Variants in IKZF2 observed in about 807,000 individuals in gnomAD.
IKZF2 encodes the protein zinc finger protein Helios.
A neutral mutation model predicts 49.2 loss-of-function variants in IKZF2; 15 were observed. That is an observed-to-expected ratio of 0.30 (90% CI 0.20 to 0.47). IKZF2 has a LOEUF of 0.47. IKZF2 is among the 20% of genes least tolerant of loss of function. The probability of loss-of-function intolerance (pLI) is 1.00; values close to 1 mark genes in which losing one functional copy is unlikely to be tolerated. For synonymous variants in IKZF2, 227 were observed against 221.4 expected (o/e 1.03, Z -0.23); for missense variants, 567 against 664.6 (o/e 0.85, Z 1.61).
At chr2:213,015,472 A>G (rs1696472600) in intron 7 of IKZF2, among the ~76,000 whole-genome samples, 1 of 152,090 alleles carries the variant, frequency 6.6e-6, no homozygotes, top group Non-Finnish European at 1.5e-5. Flanking sequence ...ATTCTCTTTT[A>G]GTAACAACTA....
At chr2:213,079,418 TGGAA>T (rs796259437) in intron 4 of IKZF2, among the ~76,000 whole-genome samples, 15 of 38,996 alleles carry the variant, frequency 3.8e-4, no homozygotes, top group Middle Eastern at 0.017. Flanking sequence ...GAAGGAAGCA[TGGAA>T]GGAAGGAAGG....
At position 213,150,259 on chromosome 2, in the gene IKZF2, C is replaced by CG. The variant is rs2061235154; in HGVS notation, c.-119-13dup. ...GTGACAATGTCGGGCTGAAGATAAA[C>CG]GGAGGGAGAAAGAAAGAAGTTTTTT... On this transcript the variant is annotated splice_polypyrimidine_tract_variant and intron_variant, in intron 1 of 8. Coordinates refer to ENST00000434687, the MANE Select transcript of IKZF2 (RefSeq NM_001387220.1). The CG allele has an allele frequency of 5.6e-6, 6 of 1,064,298 alleles. No individual in the cohort carries two copies. The East Asian group carries it at 3.0e-4, about 53-fold the overall frequency. The allele number at this position is 1,064,298 out of a possible 1,614,324, so 65.9% of individuals were successfully genotyped here.
chr2:213,058,662 G>A lies in IKZF2; in HGVS notation c.140-1563C>T, dbSNP rs183918135. ...CTTACTAGTTTTTAAAAAGAGTTGG[G>A]ACAGTATTTTATCCATCTTTATATT... On this transcript the variant is annotated intron_variant, in intron 4 of 8. Coordinates refer to ENST00000434687, the MANE Select transcript of IKZF2 (RefSeq NM_001387220.1). Among the ~76,000 whole-genome samples the A allele has an allele frequency of 4.6e-5, 7 of 151,864 alleles. No individual in the cohort carries two copies. In the East Asian group the frequency reaches 1.4e-3, roughly 29 times the overall value.
Position 213,022,019 on chromosome 2 carries a change from G to A in IKZF2, c.686C>T (p.Ala229Val), listed in dbSNP as rs1198044822. 3 of 1,613,580 alleles carry A rather than the reference G, an allele frequency of 1.9e-6. No homozygotes were observed. The highest frequency in any genetic ancestry group is 2.5e-6 in the Non-Finnish European group (3 of 1,179,766). The change falls in exon 7 of 9, where the codon GCT (alanine) becomes GTT (valine). Residue 229 changes from alanine (A) to valine (V), a missense_variant. Transcript: ENST00000434687. Reference protein sequence around the residue: ...HNYLQNVSMEAAGQVMSHHVP... With the variant: ...HNYLQNVSMEVAGQVMSHHVP... ...ATGGTGACTCATGACCTGCCCAGCAGCCTCCATGCTGACATTCTGGAGATA... is the reference window on the plus strand; with the variant it reads ...ATGGTGACTCATGACCTGCCCAGCAACCTCCATGCTGACATTCTGGAGATA...
In IKZF2 at chr2:213,046,488, T is replaced by C. The variant is rs551133032; in HGVS notation, c.574+3225A>G. Among the ~76,000 whole-genome samples the C allele has an allele frequency of 2.0e-5, 3 of 152,302 alleles. 1 individual carries two copies. The South Asian group carries it at 6.2e-4, about 32-fold the overall frequency. ...TCTGGAATTCAATACCAGCTATGAC[T>C]ATGGTGTTTACAGGTCCACTTAAGG... On this transcript the variant is annotated intron_variant, in intron 6 of 8. Coordinates refer to ENST00000434687, the MANE Select transcript of IKZF2 (RefSeq NM_001387220.1).
intron 4 of IKZF2, among the ~76,000 whole-genome samples, chr2:213,099,089 T>C (rs1262771532): frequency 6.6e-6 from 1 of 152,134 alleles, no homozygotes. Flanking sequence ...TATTAGCTAG[T>C]TGATTTACAG....
At chr2:213,127,806 C>A (rs1461173507) in intron 4 of IKZF2, among the ~76,000 whole-genome samples, 3 of 152,128 alleles carry the variant, frequency 2.0e-5, no homozygotes, top group Non-Finnish European at 4.4e-5. Flanking sequence ...ATTATAACTG[C>A]AATTTTTCCA....
intron 4 of IKZF2, among the ~76,000 whole-genome samples, chr2:213,121,941 TG>T (rs977149263): frequency 2.0e-5 from 3 of 152,008 alleles, no homozygotes; most frequent in Non-Finnish European, 4.4e-5. Context: ...GGAATACAAC[TG>T]AGAGAGAAGT....
At chr2:213,086,578 C>A (rs1452613281) in intron 4 of IKZF2, among the ~76,000 whole-genome samples, 1 of 152,084 alleles carries the variant, frequency 6.6e-6, no homozygotes, top group Admixed American at 6.6e-5. Flanking sequence ...GGAAGCTCAC[C>A]TTTACTGCAT....
At chr2:213,043,264 T>A (rs1278126740) in intron 6 of IKZF2, among the ~76,000 whole-genome samples, 6 of 152,172 alleles carry the variant, frequency 3.9e-5, no homozygotes, top group Admixed American at 3.3e-4. Flanking sequence ...GTATTTTTCA[T>A]TTCTTAAACT....
intron 5 of IKZF2, among the ~76,000 whole-genome samples, chr2:213,053,682 C>T (rs1485968586): frequency 6.6e-6 from 1 of 152,100 alleles, no homozygotes; most frequent in Non-Finnish European, 1.5e-5. Flanking sequence ...GTATAATGTC[C>T]AATCGATATG....
chr2:213,044,516 C>T (rs1439153204), intron 6 of IKZF2, among the ~76,000 whole-genome samples: 1 of 152,170 alleles, frequency 6.6e-6, no homozygotes, highest in Admixed American at 6.5e-5. Flanking sequence ...AAGGCATGTG[C>T]TGGCAAGATG....
chr2:213,076,108 T>G (rs534100770), intron 4 of IKZF2, among the ~76,000 whole-genome samples: 4 of 137,228 alleles, frequency 2.9e-5, no homozygotes, highest in East Asian at 3.9e-4. Context: ...ACACATCATG[T>G]AAACTAAACA....
At chr2:213,100,252 A>T (rs1383101723) in intron 4 of IKZF2, among the ~76,000 whole-genome samples, 1 of 152,104 alleles carries the variant, frequency 6.6e-6, no homozygotes, top group Non-Finnish European at 1.5e-5. Flanking sequence ...CTTTGGTGAC[A>T]GTTTTAAGCA....
At chr2:213,070,571 T>C (rs993459075) in intron 4 of IKZF2, among the ~76,000 whole-genome samples, 1 of 152,076 alleles carries the variant, frequency 6.6e-6, no homozygotes, top group Non-Finnish European at 1.5e-5. Flanking sequence ...ATTTATCAAA[T>C]ACCAATTTAT....
At chr2:213,112,471 T>C (rs528038233) in intron 4 of IKZF2, among the ~76,000 whole-genome samples, 1 of 151,394 alleles carries the variant, frequency 6.6e-6, no homozygotes, top group East Asian at 1.9e-4. Context: ...CTTCTTTCTT[T>C]TTTTTTTAAG....
At chr2:213,030,472 T>C (rs889995249) in intron 6 of IKZF2, among the ~76,000 whole-genome samples, 2 of 152,132 alleles carry the variant, frequency 1.3e-5, no homozygotes, top group Non-Finnish European at 2.9e-5. Flanking sequence ...CTTTTATCTC[T>C]CTAAGGACAG....
chr2:213,014,173 C>A, intron 7 of IKZF2: 1 of 285,526 alleles, frequency 3.5e-6, no homozygotes, highest in East Asian at 5.7e-5. Flanking sequence ...ACACTGTTGC[C>A]ACTATTGGTG....
In IKZF2 at chr2:213,080,392, A is replaced by C. The variant is rs140480258; in HGVS notation, c.140-23293T>G. The stretch of plus-strand genomic sequence containing the variant: ...AGGTTCATTAAATATCTACTTCTCT[A>C]TATATCCAAATTTTCAACATTAAAG... On this transcript the variant is annotated intron_variant, in intron 4 of 8. Coordinates refer to ENST00000434687, the MANE Select transcript of IKZF2 (RefSeq NM_001387220.1). Among the ~76,000 whole-genome samples the C allele has an allele frequency of 4.2e-4, 64 of 152,302 alleles. No homozygotes were observed. In the East Asian group the frequency reaches 0.011, roughly 26 times the overall value.
Sources: allele counts gnomAD v4.1 joint callset (sites outside exome capture counted in the v4.1 genomes callset), GRCh38; gene constraint gnomAD v4.1.1; transcripts MANE v1.5; gene names NCBI Gene and HGNC (gene_info 2026-07-23, HGNC 2026-07-21).